The following RBFOX1 variants were observed in gnomAD, a reference collection of about 807,000 sequenced individuals.
The protein encoded by RBFOX1 is RNA binding protein fox-1 homolog 1.
In RBFOX1, 8 loss-of-function variants were observed where a neutral mutation model predicts 57.7. The observed-to-expected ratio is 0.14, with a 90% CI of 0.08 to 0.25. The LOEUF is 0.25. Among genes scored for constraint, RBFOX1 ranks in the 10% least tolerant of loss-of-function variants. The probability of loss-of-function intolerance (pLI) is 1.00; values close to 1 mark genes in which losing one functional copy is unlikely to be tolerated. For synonymous variants in RBFOX1, 326 were observed against 222.4 expected (o/e 1.47, Z -4.15); for missense variants, 611 against 548.5 (o/e 1.11, Z -1.14).
At chr16:5,503,908 A>G (rs1320115271) in intron 2 of RBFOX1, among the ~76,000 whole-genome samples, 2 of 152,006 alleles carry the variant, frequency 1.3e-5, no homozygotes, top group African/African-American at 4.8e-5. Context: ...TTCTATCTCT[A>G]CAGATTTGCC....
intron 2 of RBFOX1, among the ~76,000 whole-genome samples, chr16:6,395,981 A>T (rs2092813728): frequency 6.9e-6 from 1 of 145,808 alleles, no homozygotes; most frequent in Non-Finnish European, 1.5e-5. Context: ...CAGTAGAATT[A>T]CTTGAATCCG....
chr16:5,502,110 C>A (rs2043217794), intron 2 of RBFOX1, among the ~76,000 whole-genome samples: 1 of 151,814 alleles, frequency 6.6e-6, no homozygotes, highest in African/African-American at 2.4e-5. Context: ...ACCAGTATGG[C>A]CGGCAGAAGG....
intron 3 of RBFOX1, among the ~76,000 whole-genome samples, chr16:5,839,247 A>G (rs147246104): frequency 5.3e-5 from 8 of 152,316 alleles, no homozygotes; most frequent in African/African-American, 1.7e-4. Context: ...CCTCTGTTCA[A>G]TACTTATGAG....
At chr16:7,452,058 C>G (rs774886806) in intron 4 of RBFOX1, among the ~76,000 whole-genome samples, 2 of 152,126 alleles carry the variant, frequency 1.3e-5, no homozygotes, top group Non-Finnish European at 2.9e-5. Context: ...AAAATGGCTA[C>G]AAAGCAATTG....
At chr16:5,395,173 G>A (rs1353857687) in intron 1 of RBFOX1, among the ~76,000 whole-genome samples, 1 of 152,194 alleles carries the variant, frequency 6.6e-6, no homozygotes, top group Non-Finnish European at 1.5e-5. Flanking sequence ...CCAGAGCACT[G>A]CACTTTCACA....
intron 2 of RBFOX1, among the ~76,000 whole-genome samples, chr16:6,358,604 A>G (rs2087818706): frequency 6.6e-6 from 1 of 152,230 alleles, no homozygotes; most frequent in African/African-American, 2.4e-5. Context: ...AGAGTGCTTA[A>G]GGTGATTATG....
intron 3 of RBFOX1, among the ~76,000 whole-genome samples, chr16:7,025,735 C>T (rs905596860): frequency 2.1e-4 from 32 of 152,094 alleles, no homozygotes; most frequent in African/African-American, 6.8e-4. Flanking sequence ...CCTAGCTGAG[C>T]AGGAGCCATG....
chr16:5,521,675 G>A (rs919085176), intron 2 of RBFOX1, among the ~76,000 whole-genome samples: 1 of 152,134 alleles, frequency 6.6e-6, no homozygotes, highest in African/African-American at 2.4e-5. Context: ...AAGCAATCAG[G>A]TCTGCTGCAG....
chr16:5,657,545 C>G (rs538086266), intron 3 of RBFOX1, among the ~76,000 whole-genome samples: 2 of 152,220 alleles, frequency 1.3e-5, no homozygotes, highest in South Asian at 2.1e-4. Context: ...TATAGAGGCA[C>G]TCACTTTTCA....
intron 1 of RBFOX1, among the ~76,000 whole-genome samples, chr16:6,041,862 G>C (rs1418607751): frequency 6.6e-6 from 1 of 152,048 alleles, no homozygotes; most frequent in Admixed American, 6.6e-5. Context: ...ACTTAATATT[G>C]ATTTCCTGTT....
At chr16:6,610,290 T>C (rs2098025128) in intron 2 of RBFOX1, among the ~76,000 whole-genome samples, 2 of 150,996 alleles carry the variant, frequency 1.3e-5, no homozygotes, top group African/African-American at 4.8e-5. Context: ...AAGCATGAAT[T>C]ATGGAAGAAA....
chr16:6,838,188 C>A (rs1742946956), intron 3 of RBFOX1, among the ~76,000 whole-genome samples: 1 of 152,008 alleles, frequency 6.6e-6, no homozygotes, highest in East Asian at 1.9e-4. Context: ...TGCCCCCTAG[C>A]CCCCGACAGG....
chr16:6,331,608 GTA>G (rs34988811), intron 2 of RBFOX1, among the ~76,000 whole-genome samples: 91,595 of 146,810 alleles, frequency 0.62, 28,929 homozygotes, highest in Middle Eastern at 0.74. Context: ...ATATATATGT[GTA>G]TATATATATA....
intron 4 of RBFOX1, among the ~76,000 whole-genome samples, chr16:7,324,142 C>G (rs1056942140): frequency 5.9e-5 from 9 of 152,122 alleles, no homozygotes; most frequent in African/African-American, 2.2e-4. Flanking sequence ...ACTCATTTGT[C>G]CGTGGTGTCC....
At chr16:7,697,707 G>C (rs546524192) in intron 14 of RBFOX1, among the ~76,000 whole-genome samples, 6 of 152,178 alleles carry the variant, frequency 3.9e-5, no homozygotes, top group South Asian at 2.1e-4. Flanking sequence ...CTTCCCCTGG[G>C]TCACACTGCC....
chr16:5,944,019 C>G (rs1268992273), intron 4 of RBFOX1, among the ~76,000 whole-genome samples: 1 of 151,116 alleles, frequency 6.6e-6, no homozygotes, highest in Non-Finnish European at 1.5e-5. Context: ...ACTCACCCAT[C>G]CACCATCCAT....
At chr16:6,909,422 C>A (rs1271060497) in intron 3 of RBFOX1, among the ~76,000 whole-genome samples, 1 of 152,196 alleles carries the variant, frequency 6.6e-6, no homozygotes. Flanking sequence ...TGCCAAGGTT[C>A]TTTTGCCAGG....
intron 4 of RBFOX1, among the ~76,000 whole-genome samples, chr16:7,166,977 T>A: frequency 3.5e-5 from 1 of 28,872 alleles, no homozygotes; most frequent in Non-Finnish European, 6.8e-5. Context: ...GTGTTCTTTT[T>A]TTTTTTTTTT....
At chr16:6,368,731 C>T (rs1032638338) in intron 2 of RBFOX1, among the ~76,000 whole-genome samples, 2 of 152,134 alleles carry the variant, frequency 1.3e-5, no homozygotes, top group South Asian at 2.1e-4. Context: ...TGTACCAGTC[C>T]ATGTTTACAC....
Sources: gnomAD v4.1 joint callset for allele counts (sites outside exome capture counted in the v4.1 genomes callset) on GRCh38, gnomAD v4.1.1 for gene constraint, MANE v1.5 for transcripts, NCBI Gene and HGNC (gene_info 2026-07-23, HGNC 2026-07-21) for gene names.